NRG3: variants seen among roughly 807,000 people sequenced by gnomAD.
NRG3 encodes the protein pro-neuregulin-3, membrane-bound isoform.
A neutral mutation model predicts 66.9 loss-of-function variants in NRG3; 31 were observed. That is an observed-to-expected ratio of 0.46 (90% confidence interval 0.35 to 0.63). The LOEUF (loss-of-function observed/expected upper bound fraction) is 0.63. NRG3 is among the 20% of genes least tolerant of loss of function. NRG3 has a pLI of 0.00. For synonymous variants in NRG3, 393 were observed against 359.4 expected (o/e 1.09, Z -1.06); for missense variants, 910 against 878.9 (o/e 1.04, Z -0.45).
chr10:82,868,869 T>G (rs1841022500), intron 4 of NRG3, among the ~76,000 whole-genome samples: 1 of 152,062 alleles, frequency 6.6e-6, no homozygotes, highest in Non-Finnish European at 1.5e-5. Context: ...ATTTTTGTAT[T>G]TTTAGTAGAA....
chr10:81,927,669 C>G (rs1283839747), intron 1 of NRG3, among the ~76,000 whole-genome samples: 1 of 152,178 alleles, frequency 6.6e-6, no homozygotes, highest in Non-Finnish European at 1.5e-5. Context: ...TCACCCTTGC[C>G]TTTAGTTTCC....
At chr10:82,175,197 G>A (rs977835809) in intron 1 of NRG3, among the ~76,000 whole-genome samples, 1 of 152,116 alleles carries the variant, frequency 6.6e-6, no homozygotes, top group Non-Finnish European at 1.5e-5. Flanking sequence ...ACGAGGTCAG[G>A]CAAGAGGGGA....
At chr10:82,280,938 A>G (rs1020412101) in intron 1 of NRG3, among the ~76,000 whole-genome samples, 9 of 152,142 alleles carry the variant, frequency 5.9e-5, no homozygotes, top group Non-Finnish European at 7.4e-5. Context: ...GGGATGTGGG[A>G]TGTTTGGTCC....
At chr10:82,548,364 C>T (rs1421592165) in intron 2 of NRG3, among the ~76,000 whole-genome samples, 1 of 151,978 alleles carries the variant, frequency 6.6e-6, no homozygotes, top group African/African-American at 2.4e-5. Context: ...AGGGTTATTT[C>T]TTTCCGGGTT....
chr10:81,971,240 T>G (rs1247731918), intron 1 of NRG3, among the ~76,000 whole-genome samples: 1 of 152,240 alleles, frequency 6.6e-6, no homozygotes, highest in Non-Finnish European at 1.5e-5. Flanking sequence ...TTTCTCTTTT[T>G]ATATCAAGTC....
chr10:82,526,013 C>T (rs1846657195), intron 2 of NRG3, among the ~76,000 whole-genome samples: 1 of 151,838 alleles, frequency 6.6e-6, no homozygotes, highest in Admixed American at 6.6e-5. Flanking sequence ...AATAAGATTG[C>T]AGAGAAGAAA....
chr10:82,207,686 C>A lies in NRG3; in HGVS notation c.824-151053C>A, dbSNP rs113234602. Among the ~76,000 whole-genome samples, 1,112 of 152,206 alleles carry A rather than the reference C, an allele frequency of 7.3e-3. 16 individuals carry two copies. Among genetic ancestry groups the A allele is most frequent in the Non-Finnish European group, 0.011 (763 of 68,006 alleles). The stretch of plus-strand genomic sequence containing the variant: ...CATGGCTGGGAAGGCTCAGGAAACA[C>A]ACAATCATGGCGAAAGGGGAAGCGG... On this transcript the variant is annotated intron_variant, in intron 1 of 8. Transcript: ENST00000372141.
At chr10:82,575,881 A>G (rs1389757737) in intron 2 of NRG3, among the ~76,000 whole-genome samples, 2 of 151,716 alleles carry the variant, frequency 1.3e-5, no homozygotes, top group Non-Finnish European at 2.9e-5. Context: ...TTTCTCATGC[A>G]TGAGTGAAGC....
At chr10:82,446,726 A>G (rs2090748563) in intron 2 of NRG3, among the ~76,000 whole-genome samples, 1 of 152,130 alleles carries the variant, frequency 6.6e-6, no homozygotes, top group Admixed American at 6.5e-5. Flanking sequence ...CTGTGCAGTA[A>G]ACCACCATGG....
intron 3 of NRG3, among the ~76,000 whole-genome samples, chr10:82,748,845 A>G (rs1183233519): frequency 6.6e-6 from 1 of 151,970 alleles, no homozygotes; most frequent in Non-Finnish European, 1.5e-5. Flanking sequence ...GCCCAAGGAT[A>G]CACACTTAGT....
chr10:82,709,565 G>A (rs2056531853), intron 2 of NRG3, among the ~76,000 whole-genome samples: 1 of 151,982 alleles, frequency 6.6e-6, no homozygotes, highest in African/African-American at 2.4e-5. Context: ...TATGTTAGTA[G>A]AGACGGGGTT....
intron 1 of NRG3, among the ~76,000 whole-genome samples, chr10:82,334,327 C>A (rs1204331449): frequency 6.6e-6 from 1 of 151,948 alleles, no homozygotes; most frequent in East Asian, 1.9e-4. Context: ...TGCTGTGTAT[C>A]AGGAGTTGCC....
At chr10:82,224,846 A>T (rs2076098675) in intron 1 of NRG3, among the ~76,000 whole-genome samples, 1 of 152,088 alleles carries the variant, frequency 6.6e-6, no homozygotes, top group Non-Finnish European at 1.5e-5. Flanking sequence ...CTTTTTTCAC[A>T]GGGGAAAAAT....
intron 1 of NRG3, among the ~76,000 whole-genome samples, chr10:82,146,591 A>G (rs935512122): frequency 6.6e-6 from 1 of 152,100 alleles, no homozygotes; most frequent in Admixed American, 6.6e-5. Context: ...GTGCACCCTG[A>G]TGTGGAGAGA....
At chr10:82,961,256 T>C (rs1306177200) in intron 6 of NRG3, among the ~76,000 whole-genome samples, 1 of 152,174 alleles carries the variant, frequency 6.6e-6, no homozygotes, top group Non-Finnish European at 1.5e-5. Flanking sequence ...ATGATTAAAA[T>C]CAATAGACAT....
chr10:82,385,731 A>T (rs908243333), intron 2 of NRG3, among the ~76,000 whole-genome samples: 3 of 152,210 alleles, frequency 2.0e-5, no homozygotes, highest in Non-Finnish European at 4.4e-5. Flanking sequence ...AGATACAATT[A>T]TAGGATACAA....
At chr10:82,337,474 C>A (rs2347882) in intron 1 of NRG3, among the ~76,000 whole-genome samples, 9 of 152,078 alleles carry the variant, frequency 5.9e-5, no homozygotes, top group Admixed American at 5.9e-4. Flanking sequence ...CACTCATAAA[C>A]AAGTATGAAC....
chr10:82,853,704 C>A (rs1591730905), intron 3 of NRG3, among the ~76,000 whole-genome samples: 1 of 152,022 alleles, frequency 6.6e-6, no homozygotes, highest in Non-Finnish European at 1.5e-5. Context: ...TTTTTGGATG[C>A]ATTTTTAGGG....
At chr10:82,781,225 G>A (rs116810939) in intron 3 of NRG3, among the ~76,000 whole-genome samples, 3,045 of 152,184 alleles carry the variant, frequency 0.02, 108 homozygotes, top group African/African-American at 0.069. Context: ...ATAATTGTAC[G>A]TAGAGGAGAG....
Sources: allele counts gnomAD v4.1 joint callset (sites outside exome capture counted in the v4.1 genomes callset), GRCh38; gene constraint gnomAD v4.1.1; transcripts MANE v1.5; gene names NCBI Gene and HGNC (gene_info 2026-07-23, HGNC 2026-07-21).